Variants in WARS1 observed in about 807,000 individuals in gnomAD.
WARS1 encodes the protein tryptophan--tRNA ligase, cytoplasmic.
In WARS1, 17 loss-of-function variants were observed where a neutral mutation model predicts 47.8. That is an observed-to-expected ratio of 0.36 (90% CI 0.24 to 0.53). The LOEUF (loss-of-function observed/expected upper bound fraction) is 0.53, where lower values mean the gene tolerates loss of function less well. Among genes scored for constraint, WARS1 ranks in the 20% least tolerant of loss-of-function variants. The pLI, the probability that WARS1 is intolerant of heterozygous loss-of-function variation, is 0.91. For synonymous variants in WARS1, 208 were observed against 228.1 expected, an observed-to-expected ratio of 0.91 and a Z score of 0.79; for missense variants, 434 against 608.0, an observed-to-expected ratio of 0.71 and a Z score of 3.01.
At chr14:100,347,159 A>G (rs1894676130) in intron 6 of WARS1, among the ~76,000 whole-genome samples, 1 of 152,244 alleles carries the variant, frequency 6.6e-6, no homozygotes, top group Admixed American at 6.5e-5. Context: ...AGCTAGCATG[A>G]AAAATTTAAA....
chr14:100,353,891 A>G, intron 5 of WARS1, 22 bp from the exon 6 acceptor site: 1 of 1,608,024 alleles, frequency 6.2e-7, no homozygotes, highest in Admixed American at 1.7e-5. Flanking sequence ...CAGGGGGAGA[A>G]AGCTGACGTC....
chr14:100,362,003 G>C, intron 2 of WARS1, 82 bp from the exon 3 acceptor site: 1 of 1,429,558 alleles, frequency 7.0e-7, no homozygotes, highest in Non-Finnish European at 9.7e-7. Context: ...GGCAGGCACT[G>C]TGTTAAATGC....
At position 100,342,581 on chromosome 14, in the gene WARS1, G is replaced by C. The variant is rs368239746; in HGVS notation, c.940-10C>G. On this transcript the variant is annotated splice_polypyrimidine_tract_variant and intron_variant, in intron 8 of 10. Coordinates refer to ENST00000392882, the MANE Select transcript of WARS1 (RefSeq NM_004184.4). ...TTCTAAAGTAAGGATCCTGTGGGGA[G>C]AGTAAGGACCCTGATGAGGGCGGCC... 4.5e-5 allele frequency: 73 copies of C among 1,605,858 alleles called. 1 individual carries two copies. The Middle Eastern group carries it at 3.5e-3, about 78-fold the overall frequency.
At chr14:100,341,770 G>T (rs1416693500) in intron 9 of WARS1, among the ~76,000 whole-genome samples, 1 of 152,230 alleles carries the variant, frequency 6.6e-6, no homozygotes, top group Non-Finnish European at 1.5e-5. Flanking sequence ...CCCGTGGATG[G>T]ACGTTTCTCC....
intron 9 of WARS1, among the ~76,000 whole-genome samples, chr14:100,340,755 C>A (rs74085070): frequency 6.6e-6 from 1 of 151,992 alleles, no homozygotes; most frequent in African/African-American, 2.4e-5. Flanking sequence ...AGGGCCTGGG[C>A]GGGCCCTGTT....
At chr14:100,366,599 T>G (rs1896011996) in intron 2 of WARS1, 1 of 717,950 alleles carries the variant, frequency 1.4e-6, no homozygotes, top group African/African-American at 1.8e-5. Context: ...GAGTTGAGTG[T>G]CCTGAGAGGT....
rs1052330008 is a variant in WARS1, at chr14:100,360,676, A to G, written c.314-14T>C. On this transcript the variant is annotated splice_polypyrimidine_tract_variant and intron_variant, in intron 3 of 10. Coordinates refer to ENST00000392882, the MANE Select transcript of WARS1 (RefSeq NM_004184.4). ...TTCCAAACCGAACTGGAAAAAAAGA[A>G]AAGATGACTTTCTTAGGTGGCAGGA... 6.3e-7 allele frequency: 1 copy of G among 1,599,544 alleles called. No homozygotes were observed. The highest frequency in any genetic ancestry group is 8.6e-7 in the Non-Finnish European group (1 of 1,168,872).
At chr14:100,346,651 TCA>T (rs1491322604) in intron 7 of WARS1, 93 bp downstream of exon 7, 21 of 1,049,994 alleles carry the variant, frequency 2.0e-5, no homozygotes, top group Non-Finnish European at 2.6e-5. Context: ...CGCTAACATC[TCA>T]GAGATATTTA....
intron 8 of WARS1, among the ~76,000 whole-genome samples, 179 bp downstream of exon 8, chr14:100,343,096 T>C (rs1354785374): frequency 6.6e-6 from 1 of 152,200 alleles, no homozygotes; most frequent in African/African-American, 2.4e-5. Context: ...AGGCTGGTCT[T>C]GAACTCCTGG....
intron 2 of WARS1, among the ~76,000 whole-genome samples, chr14:100,364,886 C>T (rs1361138599): frequency 2.0e-5 from 3 of 152,094 alleles, no homozygotes; most frequent in Non-Finnish European, 2.9e-5. Flanking sequence ...TTGGTTTAAT[C>T]GTTTGAGGCC....
intron 9 of WARS1, among the ~76,000 whole-genome samples, chr14:100,339,469 A>G (rs1029220025): frequency 6.6e-6 from 1 of 151,440 alleles, no homozygotes; most frequent in African/African-American, 2.4e-5. Flanking sequence ...GGGCGCCTGT[A>G]GGCCCAGCTA....
intron 2 of WARS1, among the ~76,000 whole-genome samples, chr14:100,363,802 T>G (rs549524007): frequency 7.9e-4 from 120 of 152,214 alleles, no homozygotes; most frequent in African/African-American, 2.8e-3. Context: ...AATTTTTAAA[T>G]TTTTTGTAGA....
chr14:100,363,480 G>A (rs1326015533), intron 2 of WARS1, among the ~76,000 whole-genome samples: 1 of 152,080 alleles, frequency 6.6e-6, no homozygotes, highest in African/African-American at 2.4e-5. Context: ...CGGATCGCCT[G>A]AGCTCATAAG....
chr14:100,357,244 C>G (rs1895377180), intron 4 of WARS1, among the ~76,000 whole-genome samples: 1 of 152,104 alleles, frequency 6.6e-6, no homozygotes. Flanking sequence ...CTCACTTTCA[C>G]CACTACTATT....
chr14:100,344,933 C>A (rs902195533), intron 7 of WARS1, among the ~76,000 whole-genome samples: 1 of 151,930 alleles, frequency 6.6e-6, no homozygotes, highest in Non-Finnish European at 1.5e-5. Flanking sequence ...CAGCAGCCAC[C>A]CCGTCCTGGA....
At position 100,371,988 on chromosome 14, in the gene WARS1, A is replaced by G. The variant is rs528560707; in HGVS notation, c.-73-2730T>C. ...GTGAAAATGGCCTGTTCCTGCCTTA[A>G]CTGATGACATTCCCTTGTGAAATTC... On this transcript the variant is annotated intron_variant, in intron 1 of 10. Transcript: ENST00000392882. Among the ~76,000 whole-genome samples the G allele has an allele frequency of 1.0e-4, 15 of 150,414 alleles. No homozygotes were observed. In the East Asian group the frequency reaches 2.5e-3, roughly 25 times the overall value.
At chr14:100,368,271 C>T (rs1896129462) in intron 2 of WARS1, 1 of 345,852 alleles carries the variant, frequency 2.9e-6, no homozygotes. Flanking sequence ...CCAGAGAAAA[C>T]AAAAGCTGGG....
chr14:100,342,207 C>G lies in WARS1; in HGVS notation c.1113+191G>C, dbSNP rs560461263. 2.2e-5 allele frequency: 16 copies of G among 724,294 alleles called. 1 individual carries two copies. In the South Asian group the frequency reaches 2.4e-4, roughly 11 times the overall value. The allele number at this position is 724,294 out of a possible 1,614,324, so 44.9% of individuals were successfully genotyped here. A position where few individuals can be genotyped will look rare whatever the true frequency, so the allele number is the denominator to read the frequency against. On this transcript the variant is annotated intron_variant, in intron 9 of 10. Coordinates refer to ENST00000392882, the MANE Select transcript of WARS1 (RefSeq NM_004184.4). The stretch of plus-strand genomic sequence containing the variant: ...ATGAAAGGACACAAAACAAATTCAC[C>G]TGATTCATGTGGGAAGGACAGGCTG...
chr14:100,358,157 C>T (rs8009435), intron 4 of WARS1, among the ~76,000 whole-genome samples: 103,833 of 151,692 alleles, frequency 0.68, 36,722 homozygotes, highest in Admixed American at 0.81. Context: ...TTTTTTGAGA[C>T]GGAGTCTCAC....
Sources: gnomAD v4.1 joint callset for allele counts (sites outside exome capture counted in the v4.1 genomes callset) on GRCh38, gnomAD v4.1.1 for gene constraint, MANE v1.5 for transcripts, NCBI Gene and HGNC (gene_info 2026-07-23, HGNC 2026-07-21) for gene names.